MTDH: variants seen among roughly 807,000 people sequenced by gnomAD.
MTDH encodes protein LYRIC.
A neutral mutation model predicts 72.7 loss-of-function variants in MTDH; 34 were observed. The observed-to-expected ratio is 0.47, with a 90% CI of 0.36 to 0.62. The LOEUF is 0.62. Ranked by LOEUF, MTDH falls within the 20% of genes least tolerant of loss-of-function variation. The pLI, the probability that MTDH is intolerant of heterozygous loss-of-function variation, is 0.00. For missense variants in MTDH, 677 were observed against 699.4 expected, an observed-to-expected ratio of 0.97 and a Z score of 0.36; for synonymous variants, 266 against 268.9, an observed-to-expected ratio of 0.99 and a Z score of 0.10.
chr8:97,718,935 A>G, intron 9 of MTDH, 114 bp from the exon 10 acceptor site: 3 of 952,124 alleles, frequency 3.2e-6, no homozygotes, highest in South Asian at 1.8e-5. Context: ...AGCTCAAGCA[A>G]TTCACCCACC....
chr8:97,676,667 G>A (rs185743940), intron 2 of MTDH, among the ~76,000 whole-genome samples: 21 of 152,096 alleles, frequency 1.4e-4, no homozygotes, highest in African/African-American at 4.6e-4. Context: ...CTAGGAGTTC[G>A]AGACCAGCTT....
chr8:97,726,608 C>T lies in MTDH; in HGVS notation c.*1938C>T, dbSNP rs981129639. On this transcript the variant is annotated 3_prime_UTR_variant, in exon 12 of 12. Coordinates refer to ENST00000336273, the MANE Select transcript of MTDH (RefSeq NM_178812.4). The stretch of plus-strand genomic sequence containing the variant: ...AAACGTTGGATTTTATTTCTGCAGC[C>T]TAGTATCTCCCCATTCTACCACCTA... The T allele has an allele frequency of 1.3e-5, 2 of 152,210 alleles. No individual in the cohort carries two copies. Among genetic ancestry groups the T allele is most frequent in the East Asian group, 3.8e-4 (2 of 5,204 alleles). The allele number at this position is 152,210 out of a possible 1,614,324, so 9.4% of individuals were successfully genotyped here. A position where few individuals can be genotyped will look rare whatever the true frequency, so the allele number is the denominator to read the frequency against.
chr8:97,685,938 T>C lies in MTDH; in HGVS notation c.484-730T>C, dbSNP rs11776137. Among the ~76,000 whole-genome samples the C allele has an allele frequency of 4.9e-3, 749 of 152,262 alleles. 2 individuals are homozygous for C. Among genetic ancestry groups the C allele is most frequent in the Non-Finnish European group, 8.0e-3 (541 of 68,002 alleles). On this transcript the variant is annotated intron_variant, in intron 2 of 11. Coordinates refer to ENST00000336273, the MANE Select transcript of MTDH (RefSeq NM_178812.4). ...CGTTTTTAGCAAGCTTTTGAAAGGA[T>C]AGAATAATATTAGGAGAAGGGAATT...
chr8:97,684,519 T>C (rs1333349220), intron 2 of MTDH, among the ~76,000 whole-genome samples: 1 of 152,216 alleles, frequency 6.6e-6, no homozygotes, highest in Non-Finnish European at 1.5e-5. Context: ...TGTGGCTGCT[T>C]TCATGCTATA....
At chr8:97,709,265 A>C (rs1382249631) in intron 8 of MTDH, among the ~76,000 whole-genome samples, 1 of 152,064 alleles carries the variant, frequency 6.6e-6, no homozygotes, top group Admixed American at 6.6e-5. Flanking sequence ...AGAGGAGGAC[A>C]GTTAACAGGC....
At chr8:97,674,810 C>T (rs1275742509) in intron 2 of MTDH, among the ~76,000 whole-genome samples, 2 of 149,980 alleles carry the variant, frequency 1.3e-5, no homozygotes, top group Non-Finnish European at 2.9e-5. Context: ...AAATACTCAG[C>T]ATTCTTTTTT....
At chr8:97,708,073 A>G (rs1401576225) in intron 8 of MTDH, among the ~76,000 whole-genome samples, 1 of 151,640 alleles carries the variant, frequency 6.6e-6, no homozygotes, top group Non-Finnish European at 1.5e-5. Context: ...AGTTCAAGCA[A>G]TTCTCGTGCC....
chr8:97,670,399 A>G (rs1185470932), intron 2 of MTDH, among the ~76,000 whole-genome samples: 2 of 152,126 alleles, frequency 1.3e-5, no homozygotes, highest in Non-Finnish European at 2.9e-5. Context: ...TGGATGGATC[A>G]TGAGGTCAGG....
intron 2 of MTDH, 25 bp downstream of exon 2, chr8:97,661,198 G>A: frequency 1.3e-6 from 2 of 1,498,522 alleles, no homozygotes; most frequent in Non-Finnish European, 1.8e-6. Flanking sequence ...ATATGAAATT[G>A]TATGCAAGAC....
At chr8:97,653,815 A>G (rs1811863639) in intron 1 of MTDH, among the ~76,000 whole-genome samples, 2 of 152,232 alleles carry the variant, frequency 1.3e-5, no homozygotes, top group African/African-American at 2.4e-5. Flanking sequence ...GTAGTTTTCA[A>G]ACTGCTCCAT....
chr8:97,683,080 T>C (rs1389735000), intron 2 of MTDH, among the ~76,000 whole-genome samples: 2 of 126,266 alleles, frequency 1.6e-5, no homozygotes, highest in Non-Finnish European at 3.1e-5. Context: ...TTTTTTTTTT[T>C]TTGAGATGGA....
intron 2 of MTDH, among the ~76,000 whole-genome samples, chr8:97,674,560 G>A (rs1191689817): frequency 6.6e-6 from 1 of 152,162 alleles, no homozygotes; most frequent in African/African-American, 2.4e-5. Context: ...AAAATGTGAA[G>A]CAATCTAAAG....
Position 97,669,028 on chromosome 8 carries a change from C to T in MTDH, c.483+7855C>T, listed in dbSNP as rs1812500454. Among the ~76,000 whole-genome samples, 7 of 152,184 alleles carry T rather than the reference C, an allele frequency of 4.6e-5. No individual in the cohort carries two copies. In the South Asian group the frequency reaches 1.4e-3, roughly 31 times the overall value. ...TCTCCCACTTCTTACCCTCTCTGAACTCCAGCCACATTGGTTTTCTTTCCC... is the reference window on the plus strand; with the variant it reads ...TCTCCCACTTCTTACCCTCTCTGAATTCCAGCCACATTGGTTTTCTTTCCC... On this transcript the variant is annotated intron_variant, in intron 2 of 11. Coordinates refer to ENST00000336273, the MANE Select transcript of MTDH (RefSeq NM_178812.4).
chr8:97,718,915 C>CA, intron 9 of MTDH, 134 bp from the exon 10 acceptor site: 2 of 752,688 alleles, frequency 2.7e-6, no homozygotes, highest in Non-Finnish European at 2.1e-6. Flanking sequence ...AGGCTGGTCT[C>CA]AAATTCCTGA....
chr8:97,697,142 A>ATT (rs1563554116), intron 6 of MTDH, among the ~76,000 whole-genome samples: 2 of 76,934 alleles, frequency 2.6e-5, no homozygotes, highest in African/African-American at 1.9e-4. Context: ...ATATATATAT[A>ATT]TATATATATT....
intron 8 of MTDH, among the ~76,000 whole-genome samples, chr8:97,707,303 C>T (rs1263389702): frequency 6.6e-6 from 1 of 151,888 alleles, no homozygotes; most frequent in African/African-American, 2.4e-5. Context: ...TAGCCCGACA[C>T]TATGCCCGGC....
At chr8:97,704,494 G>A (rs1387972101) in intron 7 of MTDH, among the ~76,000 whole-genome samples, 4 of 152,132 alleles carry the variant, frequency 2.6e-5, no homozygotes, top group Non-Finnish European at 5.9e-5. Flanking sequence ...TGTGGTCCCA[G>A]CTGCTCAGGA....
At chr8:97,707,169 G>A (rs904381327) in intron 8 of MTDH, among the ~76,000 whole-genome samples, 42 of 143,622 alleles carry the variant, frequency 2.9e-4, no homozygotes, top group African/African-American at 9.7e-4. Flanking sequence ...TTTTTTTTTC[G>A]GAGACAGATT....
chr8:97,644,730 G>C lies in MTDH; in HGVS notation c.224G>C (p.Cys75Ser). ...CTGGGCTACGGCTGGGCCGCGGCTT[G>C]CGCCGGCGCCCGCAAAAAGCGGAGG... is the stretch of plus-strand genomic sequence containing the variant. ...FLLGYGWAAA[C>S]AGARKKRRSP... Residue 75 changes from cysteine to serine, a missense_variant, in exon 1 of 12, where the codon TGC becomes TCC. Around this residue, in one of 3 missense-constraint regions of MTDH, gnomAD observed 467 missense variants for 469.1 expected, o/e 1.00. Coordinates refer to ENST00000336273, the MANE Select transcript of MTDH (RefSeq NM_178812.4). The C allele has an allele frequency of 1.9e-6, 3 of 1,579,420 alleles. No homozygotes were observed. The highest frequency in any genetic ancestry group is 2.4e-5 in the East Asian group (1 of 41,236).
Sources: allele counts gnomAD v4.1 joint callset (sites outside exome capture counted in the v4.1 genomes callset), GRCh38; gene constraint gnomAD v4.1.1; regional missense constraint gnomAD v4.1.1; transcripts MANE v1.5; gene names NCBI Gene and HGNC (gene_info 2026-07-23, HGNC 2026-07-21).